Variants in DLG2 observed in about 807,000 individuals in gnomAD.
DLG2 encodes the protein discs large MAGUK scaffold protein 2.
Under a neutral mutation model 132.5 loss-of-function variants are expected in DLG2, and 45 were observed. That is an observed-to-expected ratio of 0.34 (90% confidence interval 0.27 to 0.44). DLG2 has a LOEUF of 0.44. DLG2 is among the 20% of genes least tolerant of loss of function. The pLI is 1.00. For missense variants in DLG2, 1,045 were observed against 1,196.9 expected (o/e 0.87, Z 1.87); for synonymous variants, 424 against 419.6 (o/e 1.01, Z -0.13).
At chr11:84,285,918 T>C (rs966241408) in intron 7 of DLG2, among the ~76,000 whole-genome samples, 3 of 152,220 alleles carry the variant, frequency 2.0e-5, no homozygotes, top group African/African-American at 7.2e-5. Flanking sequence ...TGAATGAATT[T>C]CATTCTCATA....
chr11:84,063,905 T>A (rs531801237), intron 10 of DLG2, among the ~76,000 whole-genome samples: 2 of 150,250 alleles, frequency 1.3e-5, no homozygotes, highest in African/African-American at 4.9e-5. Context: ...TAGGTGGGAA[T>A]TGAACAATGA....
At chr11:84,868,185 G>A (rs1361943817) in intron 6 of DLG2, among the ~76,000 whole-genome samples, 1 of 146,696 alleles carries the variant, frequency 6.8e-6, no homozygotes, top group African/African-American at 2.5e-5. Flanking sequence ...TTATTGTTAT[G>A]GAAGCATGTA....
chr11:83,913,661 A>T (rs1190417891), intron 15 of DLG2, among the ~76,000 whole-genome samples: 1 of 152,106 alleles, frequency 6.6e-6, no homozygotes, highest in South Asian at 2.1e-4. Context: ...ATGTGAACAG[A>T]CCTGTTTGTG....
intron 6 of DLG2, among the ~76,000 whole-genome samples, chr11:84,836,060 T>C (rs1288318827): frequency 1.3e-5 from 2 of 151,890 alleles, no homozygotes; most frequent in African/African-American, 2.4e-5. Context: ...CAGTGTTTGC[T>C]TCACTGACTT....
intron 6 of DLG2, among the ~76,000 whole-genome samples, chr11:84,938,892 C>T (rs1034399477): frequency 2.6e-4 from 40 of 151,884 alleles, no homozygotes; most frequent in African/African-American, 8.9e-4. Flanking sequence ...TAAATATAAC[C>T]CTTTGTGTGC....
intron 6 of DLG2, among the ~76,000 whole-genome samples, chr11:84,786,935 G>A (rs756914910): frequency 5.9e-5 from 9 of 152,066 alleles, no homozygotes; most frequent in African/African-American, 1.9e-4. Context: ...GCACTGCTCC[G>A]GCTTTTGAAG....
At chr11:85,595,919 T>C (rs1486975495) in intron 3 of DLG2, among the ~76,000 whole-genome samples, 2 of 152,230 alleles carry the variant, frequency 1.3e-5, no homozygotes, top group East Asian at 1.9e-4. Flanking sequence ...TTTAAGCATA[T>C]GATGAAGGAC....
rs571743034 is a variant in DLG2 at position 84,517,938 on chromosome 11, A to C, written c.519+16632T>G. Among the ~76,000 whole-genome samples the C allele has an allele frequency of 3.3e-5, 5 of 152,080 alleles. No homozygotes were observed. In the South Asian group the frequency reaches 1.0e-3, roughly 32 times the overall value. On this transcript the variant is annotated intron_variant, in intron 7 of 27. Transcript: ENST00000376104. ...TAGCATGATCTTACTCCTATGTGAA[A>C]TCTAAAAATTTGATCTCATAGAAGT...
At chr11:83,913,292 A>G (rs920844396) in intron 15 of DLG2, among the ~76,000 whole-genome samples, 15 of 152,108 alleles carry the variant, frequency 9.9e-5, no homozygotes, top group Admixed American at 2.0e-4. Flanking sequence ...AGTTGATGGC[A>G]CAGAGCATTT....
At chr11:85,066,633 C>T (rs2064964392) in intron 6 of DLG2, among the ~76,000 whole-genome samples, 1 of 151,422 alleles carries the variant, frequency 6.6e-6, no homozygotes. Flanking sequence ...AAGGGTAGTT[C>T]AACATACAGA....
chr11:84,234,717 G>A (rs1459648987), intron 8 of DLG2, among the ~76,000 whole-genome samples: 3 of 152,074 alleles, frequency 2.0e-5, no homozygotes, highest in Admixed American at 6.5e-5. Flanking sequence ...CAGCATTAAC[G>A]TTACAATAGA....
At chr11:83,630,088 C>T (rs768903632) in intron 19 of DLG2, among the ~76,000 whole-genome samples, 34 of 151,958 alleles carry the variant, frequency 2.2e-4, no homozygotes, top group Admixed American at 3.9e-4. Context: ...GCACTTCACA[C>T]GAAAGATTAA....
chr11:83,682,148 A>G lies in DLG2; in HGVS notation c.1826-48823T>C, dbSNP rs1336353394. 3.0e-6 allele frequency: 3 copies of G among 985,314 alleles called. No individual in the cohort carries two copies. The African/African-American group carries it at 5.2e-5, about 17-fold the overall frequency. The allele number at this position is 985,314 out of a possible 1,614,324, so 61.0% of individuals were successfully genotyped here. A position where few individuals can be genotyped will look rare whatever the true frequency, so the allele number is the denominator to read the frequency against. On this transcript the variant is annotated intron_variant, in intron 18 of 27. Coordinates refer to ENST00000376104, the MANE Select transcript of DLG2 (RefSeq NM_001142699.3). ...AACAACAACGATTAGCTGCAAAGCCAGGAACTTACCGAGCACAAAATTATT... is the reference window on the plus strand; with the variant it reads ...AACAACAACGATTAGCTGCAAAGCCGGGAACTTACCGAGCACAAAATTATT...
intron 6 of DLG2, among the ~76,000 whole-genome samples, chr11:84,807,991 A>G (rs1345879798): frequency 6.6e-6 from 1 of 152,180 alleles, no homozygotes; most frequent in Non-Finnish European, 1.5e-5. Flanking sequence ...ATCAGCCATC[A>G]GAATCCAATT....
intron 6 of DLG2, among the ~76,000 whole-genome samples, chr11:85,016,521 T>G (rs191170248): frequency 1.3e-5 from 2 of 152,272 alleles, no homozygotes; most frequent in East Asian, 3.9e-4. Flanking sequence ...ATTCTTCAGG[T>G]GCAACTCTTC....
intron 3 of DLG2, among the ~76,000 whole-genome samples, chr11:85,448,656 A>C (rs2092111871): frequency 6.6e-6 from 1 of 152,154 alleles, no homozygotes; most frequent in African/African-American, 2.4e-5. Context: ...TCTTGTCTGG[A>C]GATTCTAAGT....
At chr11:83,547,229 T>G (rs2098931628) in intron 19 of DLG2, among the ~76,000 whole-genome samples, 1 of 152,124 alleles carries the variant, frequency 6.6e-6, no homozygotes, top group Admixed American at 6.6e-5. Context: ...AATTATTTGA[T>G]GTGTTTCATA....
chr11:83,553,970 A>G (rs904362711), intron 19 of DLG2, among the ~76,000 whole-genome samples: 4 of 147,532 alleles, frequency 2.7e-5, no homozygotes, highest in Non-Finnish European at 4.4e-5. Context: ...ATCATAGCTC[A>G]CTACAAACTT....
chr11:84,952,418 G>A (rs1042822430), intron 6 of DLG2, among the ~76,000 whole-genome samples: 1 of 152,124 alleles, frequency 6.6e-6, no homozygotes, highest in Non-Finnish European at 1.5e-5. Context: ...TCGGGAGGCT[G>A]AGGCAGGAGA....
Sources: allele counts gnomAD v4.1 joint callset (sites outside exome capture counted in the v4.1 genomes callset), GRCh38; gene constraint gnomAD v4.1.1; transcripts MANE v1.5; gene names NCBI Gene and HGNC (gene_info 2026-07-23, HGNC 2026-07-21).